MACROD2: variants seen among roughly 807,000 people sequenced by gnomAD.
The protein encoded by MACROD2 is mono-ADP ribosylhydrolase 2.
In MACROD2, 36 loss-of-function variants were observed where a neutral mutation model predicts 70.4. The ratio of observed to expected loss-of-function variants is 0.51; its 90% CI spans 0.39 to 0.68. MACROD2 has a LOEUF of 0.68. Ranked by LOEUF, MACROD2 falls within the 30% of genes least tolerant of loss-of-function variation. The probability of loss-of-function intolerance (pLI) is 0.00; values close to 1 mark genes in which losing one functional copy is unlikely to be tolerated. For missense variants in MACROD2, 496 were observed against 538.4 expected (o/e 0.92, Z 0.78); for synonymous variants, 172 against 178.8 (o/e 0.96, Z 0.30).
intron 5 of MACROD2, among the ~76,000 whole-genome samples, chr20:14,806,112 G>C (rs535876150): frequency 6.6e-6 from 1 of 152,124 alleles, no homozygotes; most frequent in Non-Finnish European, 1.5e-5. Context: ...TTTCCTGAGG[G>C]CATCTGGTAC....
At chr20:15,590,151 T>C (rs981667479) in intron 8 of MACROD2, among the ~76,000 whole-genome samples, 4 of 152,174 alleles carry the variant, frequency 2.6e-5, no homozygotes, top group African/African-American at 9.7e-5. Context: ...GGTGTGGAAA[T>C]TTGTGTTATT....
intron 5 of MACROD2, among the ~76,000 whole-genome samples, chr20:15,011,283 A>G (rs973855016): frequency 6.6e-6 from 1 of 152,156 alleles, no homozygotes; most frequent in Non-Finnish European, 1.5e-5. Context: ...GGTGGGAGGA[A>G]GAGCAGGAAA....
chr20:15,909,011 A>C (rs549977866), intron 10 of MACROD2, among the ~76,000 whole-genome samples: 1 of 152,344 alleles, frequency 6.6e-6, no homozygotes, highest in African/African-American at 2.4e-5. Flanking sequence ...CACATCTGCA[A>C]GCTTGGCAGG....
chr20:14,472,322 G>A (rs938652342), intron 3 of MACROD2, among the ~76,000 whole-genome samples: 7 of 151,832 alleles, frequency 4.6e-5, no homozygotes, highest in Non-Finnish European at 8.8e-5. Flanking sequence ...TCATTTGTTC[G>A]TTCCTGTTTT....
intron 5 of MACROD2, among the ~76,000 whole-genome samples, chr20:15,225,261 G>T (rs1027306935): frequency 2.0e-5 from 3 of 152,092 alleles, no homozygotes; most frequent in African/African-American, 7.2e-5. Context: ...TTTTATATGT[G>T]TAATGATATA....
intron 8 of MACROD2, among the ~76,000 whole-genome samples, chr20:15,591,205 T>C (rs1568915512): frequency 6.6e-6 from 1 of 151,522 alleles, no homozygotes; most frequent in Non-Finnish European, 1.5e-5. Context: ...ATGTGATCAC[T>C]AGCTTGGGAA....
Position 15,833,434 on chromosome 20 carries a change from T to A in MACROD2, c.646-29311T>A, listed in dbSNP as rs1269291353. Among the ~76,000 whole-genome samples, 6 of 152,174 alleles carry A rather than the reference T, an allele frequency of 3.9e-5. No homozygotes were observed. The East Asian group carries it at 1.2e-3, about 29-fold the overall frequency. On this transcript the variant is annotated intron_variant, in intron 8 of 17. Transcript: ENST00000684519. ...TTTATGTGTGGAAATGTTCTATGCA[T>A]GTAGGGGTGTGGGAAGCAGACACAA...
chr20:15,603,027 G>A (rs1050698569), intron 8 of MACROD2, among the ~76,000 whole-genome samples: 5 of 152,100 alleles, frequency 3.3e-5, no homozygotes, highest in African/African-American at 1.2e-4. Flanking sequence ...GAGGGCATGT[G>A]AGGGGGAGGC....
At chr20:14,594,566 T>C (rs1198274412) in intron 4 of MACROD2, among the ~76,000 whole-genome samples, 1 of 152,180 alleles carries the variant, frequency 6.6e-6, no homozygotes, top group Admixed American at 6.5e-5. Context: ...AATAAATACA[T>C]ATGCAATATA....
intron 8 of MACROD2, among the ~76,000 whole-genome samples, chr20:15,713,290 C>T (rs755637800): frequency 2.6e-5 from 4 of 152,192 alleles, no homozygotes; most frequent in Non-Finnish European, 5.9e-5. Flanking sequence ...CTCTGGTTCT[C>T]AGTACTTATA....
intron 5 of MACROD2, among the ~76,000 whole-genome samples, chr20:15,126,760 G>T (rs1284226160): frequency 6.6e-6 from 1 of 152,042 alleles, no homozygotes; most frequent in Non-Finnish European, 1.5e-5. Context: ...ACAAATGCAT[G>T]TATCTGAGTC....
chr20:15,182,484 G>A (rs1601188295), intron 5 of MACROD2, among the ~76,000 whole-genome samples: 2 of 152,242 alleles, frequency 1.3e-5, no homozygotes, highest in East Asian at 3.9e-4. Context: ...TTTTCCTGGG[G>A]CGGAAGACCC....
chr20:16,022,272 C>T (rs574894789), intron 15 of MACROD2, among the ~76,000 whole-genome samples: 1 of 152,162 alleles, frequency 6.6e-6, no homozygotes, highest in African/African-American at 2.4e-5. Context: ...AGGATGGTCT[C>T]GATCTCCTGA....
chr20:14,608,630 T>C (rs1458851301), intron 4 of MACROD2, among the ~76,000 whole-genome samples: 3 of 152,148 alleles, frequency 2.0e-5, no homozygotes, highest in Non-Finnish European at 4.4e-5. Context: ...TAGTAGTGGA[T>C]GAAACAGTAA....
chr20:14,156,850 A>G (rs1300254612), intron 3 of MACROD2, among the ~76,000 whole-genome samples: 2 of 152,200 alleles, frequency 1.3e-5, no homozygotes, highest in Non-Finnish European at 2.9e-5. Flanking sequence ...CTACTTTGCA[A>G]TAGTCAATGT....
At chr20:14,342,660 G>A (rs1449519163) in intron 3 of MACROD2, among the ~76,000 whole-genome samples, 1 of 152,198 alleles carries the variant, frequency 6.6e-6, no homozygotes, top group Non-Finnish European at 1.5e-5. Context: ...GGTCACGGAT[G>A]CCTTAGAATG....
chr20:15,241,210 CA>C (rs1416167815), intron 6 of MACROD2, among the ~76,000 whole-genome samples: 2 of 152,176 alleles, frequency 1.3e-5, no homozygotes, highest in African/African-American at 4.8e-5. Context: ...CAGTAGATTA[CA>C]TAGCTTATTA....
intron 15 of MACROD2, among the ~76,000 whole-genome samples, chr20:15,988,486 C>T (rs1275782656): frequency 6.6e-6 from 1 of 152,094 alleles, no homozygotes; most frequent in Non-Finnish European, 1.5e-5. Context: ...TGTACGTTTT[C>T]CTCTTTTGAC....
intron 8 of MACROD2, chr20:15,619,611 C>T (rs887883147): frequency 8.8e-6 from 4 of 453,202 alleles, no homozygotes; most frequent in Admixed American, 6.3e-5. Flanking sequence ...GCTTATTCTC[C>T]TATTTGGCTT....
Sources: allele counts gnomAD v4.1 joint callset (sites outside exome capture counted in the v4.1 genomes callset), GRCh38; gene constraint gnomAD v4.1.1; transcripts MANE v1.5; gene names NCBI Gene and HGNC (gene_info 2026-07-23, HGNC 2026-07-21).